DCC: variants seen among roughly 807,000 people sequenced by gnomAD.
DCC encodes netrin receptor DCC.
DCC carries 58 observed loss-of-function variants against 172.5 expected under a neutral mutation model. The ratio of observed to expected loss-of-function variants is 0.34; its 90% confidence interval spans 0.27 to 0.42. The LOEUF is 0.42. Ranked by LOEUF, DCC falls within the 10% of genes least tolerant of loss-of-function variation. The probability of loss-of-function intolerance (pLI) is 1.00; values close to 1 mark genes in which losing one functional copy is unlikely to be tolerated. For missense variants in DCC, 1,740 were observed against 1,791.0 expected, an observed-to-expected ratio of 0.97 and a Z score of 0.51; for synonymous variants, 709 against 644.5, an observed-to-expected ratio of 1.10 and a Z score of -1.52.
At chr18:52,790,128 G>T (rs1422835376) in intron 2 of DCC, among the ~76,000 whole-genome samples, 3 of 152,078 alleles carry the variant, frequency 2.0e-5, no homozygotes, top group East Asian at 1.9e-4. Flanking sequence ...ACTGTAAAAT[G>T]GTGGAGACTA....
intron 1 of DCC, among the ~76,000 whole-genome samples, chr18:52,580,493 C>T (rs556086347): frequency 1.8e-4 from 28 of 152,282 alleles, no homozygotes; most frequent in Middle Eastern, 3.4e-3. Context: ...GAAACCTCGC[C>T]ACAGGGACCC....
intron 1 of DCC, among the ~76,000 whole-genome samples, chr18:52,696,411 A>T (rs925197515): frequency 1.3e-5 from 2 of 152,196 alleles, no homozygotes; most frequent in Non-Finnish European, 2.9e-5. Flanking sequence ...GGAGTCTATG[A>T]TCACCCCAAA....
intron 5 of DCC, among the ~76,000 whole-genome samples, chr18:52,999,041 T>C (rs2041525446): frequency 6.6e-6 from 1 of 152,082 alleles, no homozygotes; most frequent in Non-Finnish European, 1.5e-5. Flanking sequence ...TCAGCTGTAT[T>C]TGGGGCTATG....
chr18:52,866,227 C>T (rs1248467492), intron 2 of DCC, among the ~76,000 whole-genome samples: 3 of 151,990 alleles, frequency 2.0e-5, no homozygotes, highest in African/African-American at 7.3e-5. Flanking sequence ...ATTTCTGAGG[C>T]CAGTGTTCTG....
intron 12 of DCC, among the ~76,000 whole-genome samples, chr18:53,233,125 A>C (rs750567159): frequency 5.9e-5 from 9 of 152,126 alleles, no homozygotes; most frequent in Non-Finnish European, 7.4e-5. Context: ...GGTCAAGCTA[A>C]TCAGTGCTAT....
intron 26 of DCC, among the ~76,000 whole-genome samples, chr18:53,494,787 T>C (rs2046000018): frequency 6.6e-6 from 1 of 152,112 alleles, no homozygotes; most frequent in African/African-American, 2.4e-5. Flanking sequence ...AATTGGAGAA[T>C]TTAGCCTGTT....
intron 15 of DCC, among the ~76,000 whole-genome samples, chr18:53,358,345 A>G (rs2057901733): frequency 6.6e-6 from 1 of 152,020 alleles, no homozygotes; most frequent in Non-Finnish European, 1.5e-5. Flanking sequence ...AATTTTCCAT[A>G]TGGCAGGCAG....
At chr18:53,371,405 A>G (rs995970528) in intron 15 of DCC, among the ~76,000 whole-genome samples, 1 of 152,014 alleles carries the variant, frequency 6.6e-6, no homozygotes. Flanking sequence ...AAATATTATC[A>G]CTAGTCAAAA....
intron 1 of DCC, among the ~76,000 whole-genome samples, chr18:52,391,047 T>C (rs1483000144): frequency 6.6e-6 from 1 of 152,094 alleles, no homozygotes; most frequent in Non-Finnish European, 1.5e-5. Flanking sequence ...TATAATATTA[T>C]ACACACTTTT....
rs558873425 is a variant in DCC at position 52,555,231 on chromosome 18, A to G, written c.92-196823A>G. Among the ~76,000 whole-genome samples the G allele has an allele frequency of 3.9e-5, 6 of 152,238 alleles. No homozygotes were observed. In the East Asian group the frequency reaches 9.6e-4, roughly 24 times the overall value. ...GTGTAGGTATTTTAGATATCGTCTA[A>G]AAGTTGGTCAAAGAAAATTTGGACT... is the stretch of plus-strand genomic sequence containing the variant. On this transcript the variant is annotated intron_variant, in intron 1 of 28. Transcript: ENST00000442544.
chr18:52,414,723 T>C (rs1986959630), intron 1 of DCC, among the ~76,000 whole-genome samples: 1 of 152,218 alleles, frequency 6.6e-6, no homozygotes, highest in South Asian at 2.1e-4. Flanking sequence ...GAATGACTTA[T>C]GAGCAGTTGG....
intron 2 of DCC, chr18:52,892,337 T>C (rs2039663447): frequency 6.6e-6 from 1 of 152,114 alleles, no homozygotes; most frequent in African/African-American, 2.4e-5. Flanking sequence ...AGCCAGATAG[T>C]GGCCCCAAAG....
At chr18:52,962,459 G>A (rs1179954230) in intron 5 of DCC, among the ~76,000 whole-genome samples, 1 of 150,554 alleles carries the variant, frequency 6.6e-6, no homozygotes, top group Non-Finnish European at 1.5e-5. Context: ...GAAACAACAG[G>A]TGCTGGAGAG....
At chr18:52,463,521 T>A (rs1234427931) in intron 1 of DCC, among the ~76,000 whole-genome samples, 1 of 152,192 alleles carries the variant, frequency 6.6e-6, no homozygotes, top group Admixed American at 6.6e-5. Flanking sequence ...TATTCCTATG[T>A]CAGTGAAGGA....
At chr18:53,160,840 C>A (rs2054827504) in intron 8 of DCC, among the ~76,000 whole-genome samples, 1 of 152,064 alleles carries the variant, frequency 6.6e-6, no homozygotes, top group African/African-American at 2.4e-5. Context: ...TCATATGTGA[C>A]TTTTTTTTCA....
chr18:53,431,291 T>TA (rs1203176629), intron 21 of DCC, among the ~76,000 whole-genome samples: 8 of 149,524 alleles, frequency 5.4e-5, no homozygotes, highest in African/African-American at 1.7e-4. Flanking sequence ...TTTTTTTTTT[T>TA]ATGAAATTAG....
At chr18:53,227,603 G>A (rs2056053985) in intron 12 of DCC, among the ~76,000 whole-genome samples, 1 of 152,158 alleles carries the variant, frequency 6.6e-6, no homozygotes, top group Non-Finnish European at 1.5e-5. Context: ...ACATTGAGAA[G>A]TATGTTAATA....
At chr18:52,362,810 A>G (rs1199585181) in intron 1 of DCC, among the ~76,000 whole-genome samples, 1 of 152,072 alleles carries the variant, frequency 6.6e-6, no homozygotes, top group Non-Finnish European at 1.5e-5. Context: ...CCCTCCATAA[A>G]CCAAAAGAGC....
intron 1 of DCC, among the ~76,000 whole-genome samples, chr18:52,402,360 C>T (rs751480684): frequency 6.6e-6 from 1 of 151,858 alleles, no homozygotes; most frequent in Admixed American, 6.6e-5. Flanking sequence ...AATGTGTAGA[C>T]ATGGGCCTCT....
Sources: allele counts gnomAD v4.1 joint callset (sites outside exome capture counted in the v4.1 genomes callset), GRCh38; gene constraint gnomAD v4.1.1; transcripts MANE v1.5; gene names NCBI Gene and HGNC (gene_info 2026-07-23, HGNC 2026-07-21).